The following WNT7B variants were observed in gnomAD, a reference collection of about 807,000 sequenced individuals.
WNT7B encodes the protein protein Wnt-7b.
A neutral mutation model predicts 38.2 loss-of-function variants in WNT7B; 19 were observed. The ratio of observed to expected loss-of-function variants is 0.50; its 90% CI spans 0.35 to 0.73. WNT7B has a LOEUF of 0.73. Ranked by LOEUF, WNT7B falls within the 30% of genes least tolerant of loss-of-function variation. The probability of loss-of-function intolerance (pLI) is 0.01; values close to 1 mark genes in which losing one functional copy is unlikely to be tolerated. For missense variants in WNT7B, 423 were observed against 507.9 expected (o/e 0.83, Z 1.61); for synonymous variants, 243 against 209.3 (o/e 1.16, Z -1.39).
At chr22:45,953,128 CCGTGCCCGGCTTCCCCT>C (rs1326793319) in intron 1 of WNT7B, among the ~76,000 whole-genome samples, 3 of 135,696 alleles carry the variant, frequency 2.2e-5, no homozygotes, top group Admixed American at 7.2e-5. Context: ...GTCACCGTGT[CCGTGCCCGGCTTCCCCT>C]CACAGCCACC....
Position 45,951,963 on chromosome 22 carries a change from G to A in WNT7B, c.72-1817C>T, listed in dbSNP as rs577427718. 6.6e-6 allele frequency among the ~76,000 whole-genome samples: 1 copy of A among 152,324 alleles called. No individual in the cohort carries two copies. The highest frequency in any genetic ancestry group is 2.1e-4 in the South Asian group (1 of 4,822). On this transcript the variant is annotated intron_variant, in intron 1 of 3. Transcript: ENST00000339464. The surrounding 1 kb of genome is among the most constrained non-coding windows in gnomAD (Gnocchi z 4.8). ...TGCCGGACTGCCCTCCACAGCGGCT[G>A]CCCCAGTCATCTGGCTTTAAGCACC... is the stretch of plus-strand genomic sequence containing the variant.
chr22:45,963,445 C>T (rs1331657258), intron 1 of WNT7B, among the ~76,000 whole-genome samples: 1 of 152,180 alleles, frequency 6.6e-6, no homozygotes, highest in African/African-American at 2.4e-5. Context: ...GCCTTCAGAA[C>T]TCCAGGGGCC....
intron 2 of WNT7B, among the ~76,000 whole-genome samples, chr22:45,943,582 C>A (rs970957110): frequency 2.2e-4 from 33 of 152,324 alleles, no homozygotes; most frequent in African/African-American, 7.9e-4. Flanking sequence ...GGCACAGAGA[C>A]CCCTTCCTCC....
chr22:45,931,248 G>A lies in WNT7B; in HGVS notation c.420C>T (p.Tyr140=), dbSNP rs1188997655. 3 of 1,599,180 alleles carry A rather than the reference G, an allele frequency of 1.9e-6. No individual in the cohort carries two copies. In the East Asian group the frequency reaches 6.7e-5, roughly 36 times the overall value. ...NCGCDREKQG[Y]YNQAEGWKWG... Reference sequence around the variant, plus strand: ...ACTTCCAGCCCTCGGCTTGGTTGTAGTAGCCCTGCTTCTCGCGGTCGCAGC... The same window carrying A: ...ACTTCCAGCCCTCGGCTTGGTTGTAATAGCCCTGCTTCTCGCGGTCGCAGC... The change falls in exon 3 of 4, where the codon TAC becomes TAT. Residue 140 remains tyrosine, a synonymous_variant. Transcript: ENST00000339464.
In WNT7B at chr22:45,922,556, G is replaced by A. The variant is rs571830654; in HGVS notation, c.*300C>T. On this transcript the variant is annotated 3_prime_UTR_variant, in exon 4 of 4. Transcript: ENST00000339464. Reference sequence around the variant, plus strand: ...TGTCCTGGACGTTCATTTTCCCAGAGAGAAGAAAGAGAACTTGCCGGGCCC... The same window carrying A: ...TGTCCTGGACGTTCATTTTCCCAGAAAGAAGAAAGAGAACTTGCCGGGCCC... 2.4e-6 allele frequency: 1 copy of A among 421,700 alleles called. No individual in the cohort carries two copies. Among genetic ancestry groups the A allele is most frequent in the Non-Finnish European group, 4.3e-6 (1 of 234,012 alleles). The allele number at this position is 421,700 out of a possible 1,614,324, so 26.1% of individuals were successfully genotyped here.
chr22:45,959,946 G>A (rs570177571), intron 1 of WNT7B, among the ~76,000 whole-genome samples: 2 of 152,148 alleles, frequency 1.3e-5, no homozygotes, highest in Admixed American at 6.5e-5. Context: ...AGCCAGAAGC[G>A]GGAACCCTGG....
At chr22:45,926,631 G>A (rs1931092403) in intron 3 of WNT7B, 1 of 985,382 alleles carries the variant, frequency 1.0e-6, no homozygotes, top group Non-Finnish European at 1.2e-6. Flanking sequence ...GCCATGGCCT[G>A]CGGCTGTGGA....
chr22:45,957,636 T>A (rs1021534288), intron 1 of WNT7B, among the ~76,000 whole-genome samples: 1 of 117,650 alleles, frequency 8.5e-6, no homozygotes. Flanking sequence ...TGAGCCGAGA[T>A]CATGCCACTG....
Position 45,976,559 on chromosome 22 carries a change from G to GC in WNT7B, c.71+124dup. 9.5e-7 allele frequency: 1 copy of GC among 1,056,880 alleles called. No homozygotes were observed. The highest frequency in any genetic ancestry group is 1.4e-6 in the Non-Finnish European group (1 of 720,372). The allele number at this position is 1,056,880 out of a possible 1,614,324, so 65.5% of individuals were successfully genotyped here. ...GGGCGAGGGTCTGACACACGGGCCAGCCCCGGAGCCCAGAGAGCTGCAGTG... is the reference window on the plus strand; with the variant it reads ...GGGCGAGGGTCTGACACACGGGCCAGCCCCCGGAGCCCAGAGAGCTGCAGTG... On this transcript the variant is annotated intron_variant, in intron 1 of 3. Coordinates refer to ENST00000339464, the MANE Select transcript of WNT7B (RefSeq NM_058238.3). The surrounding 1 kb of genome is among the most constrained non-coding windows in gnomAD (Gnocchi z 8.5).
chr22:45,977,115 G>T lies in WNT7B; in HGVS notation c.-361C>A. The T allele has an allele frequency of 1.4e-6, 1 of 727,760 alleles. No homozygotes were observed. Among genetic ancestry groups the T allele is most frequent in the Non-Finnish European group, 1.7e-6 (1 of 594,642 alleles). The allele number at this position is 727,760 out of a possible 1,614,324, so 45.1% of individuals were successfully genotyped here. A position where few individuals can be genotyped will look rare whatever the true frequency, so the allele number is the denominator to read the frequency against. On this transcript the variant is annotated 5_prime_UTR_variant, in exon 1 of 4. Coordinates refer to ENST00000339464, the MANE Select transcript of WNT7B (RefSeq NM_058238.3). ...TGAGGCCGTGAGCGCCTCGCCGAGCGCCGCGGCGGCCAATGTGTCCGCACT... is the reference window on the plus strand; with the variant it reads ...TGAGGCCGTGAGCGCCTCGCCGAGCTCCGCGGCGGCCAATGTGTCCGCACT...
In WNT7B at chr22:45,976,806, CGGGCCCGGCA is replaced by C. The variant is rs1315100145; in HGVS notation, c.-62_-53del. On this transcript the variant is annotated 5_prime_UTR_variant, in exon 1 of 4. Transcript: ENST00000339464. The surrounding 1 kb of genome is among the most constrained non-coding windows in gnomAD (Gnocchi z 8.5). ...GACAGCGGCGGCCGGAGGGGACGCG[CGGGCCCGGCA>C]GGGCCGGGCAGGGGCCAGGGGGCTG... 3.9e-6 allele frequency: 6 copies of C among 1,544,596 alleles called. No homozygotes were observed. The highest frequency in any genetic ancestry group is 1.4e-5 in the African/African-American group (1 of 72,354).
chr22:45,958,682 G>A (rs771427408), intron 1 of WNT7B, among the ~76,000 whole-genome samples: 13 of 152,186 alleles, frequency 8.5e-5, no homozygotes, highest in African/African-American at 1.9e-4. Flanking sequence ...GGCAGGGAGC[G>A]AGCACGGCTG....
In WNT7B at chr22:45,923,274, G is replaced by A. The variant is rs761867337; in HGVS notation, c.632C>T (p.Thr211Ile). The A allele has an allele frequency of 1.2e-6, 2 of 1,613,368 alleles. No homozygotes were observed. Among genetic ancestry groups the A allele is most frequent in the Non-Finnish European group, 1.7e-6 (2 of 1,179,974 alleles). The change falls in exon 4 of 4, where the codon ACC (threonine) becomes ATC (isoleucine). Residue 211 changes from threonine to isoleucine, a missense_variant. Thr to Ile is a moderately conservative substitution (Grantham distance 89). Around this residue, in one of 3 missense-constraint regions of WNT7B, gnomAD observed 158 missense variants for 214.7 expected, o/e 0.74. Coordinates refer to ENST00000339464, the MANE Select transcript of WNT7B (RefSeq NM_058238.3). ...GGGCAGCGTGGTCCAGCAGGTTTTG[G>A]TGGTGCAGGAGCCAGACACGCCGTG... ...KCHGVSGSCT[T>I]KTCWTTLPKF...
intron 2 of WNT7B, among the ~76,000 whole-genome samples, chr22:45,946,856 G>A (rs1931808979): frequency 1.3e-5 from 2 of 152,242 alleles, no homozygotes; most frequent in Non-Finnish European, 2.9e-5. Context: ...GCCCTTTTAA[G>A]GGGTACCCTT....
In WNT7B at chr22:45,966,828, A is replaced by T. The variant is rs1932322364; in HGVS notation, c.71+9856T>A. The stretch of plus-strand genomic sequence containing the variant: ...TGAGACTGTGGGATGGCCTCTGGAA[A>T]GGCCAACCACTCCACCGGCTGCTTG... On this transcript the variant is annotated intron_variant, in intron 1 of 3. Transcript: ENST00000339464. The surrounding 1 kb of genome is among the most constrained non-coding windows in gnomAD (Gnocchi z 4.2). Among the ~76,000 whole-genome samples, 2 of 152,204 alleles carry T rather than the reference A, an allele frequency of 1.3e-5. No individual in the cohort carries two copies. Among genetic ancestry groups the T allele is most frequent in the African/African-American group, 4.8e-5 (2 of 41,466 alleles).
At chr22:45,942,754 T>C (rs555152669) in intron 2 of WNT7B, among the ~76,000 whole-genome samples, 1 of 152,142 alleles carries the variant, frequency 6.6e-6, no homozygotes, top group Non-Finnish European at 1.5e-5. Context: ...AACATAAAAG[T>C]GCTGGATGCG....
chr22:45,948,590 TC>T (rs145594048), intron 2 of WNT7B, among the ~76,000 whole-genome samples: 113 of 151,422 alleles, frequency 7.5e-4, no homozygotes, highest in Middle Eastern at 3.4e-3. Flanking sequence ...CTGCCAGTTA[TC>T]CCCCCCCTCC....
chr22:45,930,632 C>T (rs143356048), intron 3 of WNT7B, among the ~76,000 whole-genome samples: 3 of 152,362 alleles, frequency 2.0e-5, no homozygotes, highest in African/African-American at 7.2e-5. Context: ...CGGCTCACAG[C>T]TTCCACCTTC....
intron 1 of WNT7B, among the ~76,000 whole-genome samples, chr22:45,954,171 T>C (rs1932004825): frequency 6.6e-6 from 1 of 152,134 alleles, no homozygotes; most frequent in Non-Finnish European, 1.5e-5. Context: ...AACCACGTAC[T>C]GTGTGGTTCC....
Sources: gnomAD v4.1 joint callset for allele counts (sites outside exome capture counted in the v4.1 genomes callset) on GRCh38, gnomAD v4.1.1 for gene constraint, gnomAD v4.1.1 regional missense constraint, Gnocchi (gnomAD v3.1) non-coding constraint, MANE v1.5 for transcripts, NCBI Gene and HGNC (gene_info 2026-07-23, HGNC 2026-07-21) for gene names.